The following KSR2 variants were observed in gnomAD, a reference collection of about 807,000 sequenced individuals.
The protein encoded by KSR2 is kinase suppressor of ras 2.
In KSR2, 25 loss-of-function variants were observed where a neutral mutation model predicts 107.8. That is an observed-to-expected ratio of 0.23 (90% CI 0.17 to 0.32). The LOEUF (loss-of-function observed/expected upper bound fraction) is 0.32, where lower values mean the gene tolerates loss of function less well. KSR2 is among the 10% of genes least tolerant of loss of function. KSR2 has a pLI of 1.00. For synonymous variants in KSR2, 480 were observed against 507.0 expected (o/e 0.95, Z 0.71); for missense variants, 887 against 1,268.9 (o/e 0.70, Z 4.57).
At chr12:117,908,149 CAG>C (rs575522026) in intron 1 of KSR2, among the ~76,000 whole-genome samples, 141 of 151,986 alleles carry the variant, frequency 9.3e-4, no homozygotes, top group Non-Finnish European at 1.8e-3. Flanking sequence ...AAAAGCTAAA[CAG>C]AGAACATATT....
chr12:117,930,283 C>T (rs915282150), intron 1 of KSR2, among the ~76,000 whole-genome samples: 2 of 152,156 alleles, frequency 1.3e-5, no homozygotes, highest in Admixed American at 6.5e-5. Flanking sequence ...ATCTGCCTGC[C>T]TCAGCCACCC....
At position 117,761,205 on chromosome 12, in the gene KSR2, G is replaced by A. The variant is rs1040517876; in HGVS notation, c.792C>T (p.Thr264=). 2 of 1,573,300 alleles carry A rather than the reference G, an allele frequency of 1.3e-6. No individual in the cohort carries two copies. The highest frequency in any genetic ancestry group is 1.7e-6 in the Non-Finnish European group (2 of 1,158,840). The change falls in exon 4 of 20, where the codon ACC becomes ACT. Residue 264 remains threonine, a synonymous_variant. Coordinates refer to ENST00000339824, the MANE Select transcript of KSR2 (RefSeq NM_173598.6). The stretch of plus-strand genomic sequence containing the variant: ...GGGTCACGGTGGTGACGATGTTGGG[G>A]GTGCGCGGCGGGGTGCGGACCGCGT... ...QRHAVRTPPR[T]PNIVTTVTPP...
At chr12:117,848,818 G>GGGTGGTGATGGTGGTAGT (rs1243103320) in intron 3 of KSR2, among the ~76,000 whole-genome samples, 12 of 143,248 alleles carry the variant, frequency 8.4e-5, no homozygotes, top group South Asian at 7.2e-4. Flanking sequence ...TGATGGTGGT[G>GGGTGGTGATGGTGGTAGT]GGTGGTGATG....
At chr12:117,748,956 A>G (rs1286821252) in intron 4 of KSR2, among the ~76,000 whole-genome samples, 1 of 151,664 alleles carries the variant, frequency 6.6e-6, no homozygotes, top group Non-Finnish European at 1.5e-5. Flanking sequence ...TCCCTCTGGG[A>G]AGCCTTCAGG....
intron 4 of KSR2, among the ~76,000 whole-genome samples, chr12:117,677,864 G>C (rs1357490800): frequency 6.6e-6 from 1 of 152,194 alleles, no homozygotes; most frequent in Admixed American, 6.5e-5. Flanking sequence ...GAATGTACAA[G>C]TGAATATTAA....
chr12:117,861,201 C>A (rs1173736700), intron 1 of KSR2, among the ~76,000 whole-genome samples: 1 of 152,118 alleles, frequency 6.6e-6, no homozygotes, highest in African/African-American at 2.4e-5. Flanking sequence ...CTACAGCCAA[C>A]AAAGAAACTT....
At chr12:117,873,593 T>C (rs1270976031) in intron 1 of KSR2, among the ~76,000 whole-genome samples, 1 of 151,484 alleles carries the variant, frequency 6.6e-6, no homozygotes, top group African/African-American at 2.4e-5. Flanking sequence ...CCCCGGTAGC[T>C]AGGATTACAG....
intron 4 of KSR2, among the ~76,000 whole-genome samples, chr12:117,693,444 G>C (rs1555228468): frequency 6.6e-6 from 1 of 152,168 alleles, no homozygotes; most frequent in Non-Finnish European, 1.5e-5. Flanking sequence ...AGAAAGGGAA[G>C]TTCATTTTCC....
chr12:117,913,801 G>C (rs1235648864), intron 1 of KSR2, among the ~76,000 whole-genome samples: 3 of 152,080 alleles, frequency 2.0e-5, no homozygotes, highest in Non-Finnish European at 4.4e-5. Context: ...ACCCAGTTTA[G>C]TACAGCAGCC....
At chr12:117,903,805 A>T (rs929302457) in intron 1 of KSR2, among the ~76,000 whole-genome samples, 1 of 152,232 alleles carries the variant, frequency 6.6e-6, no homozygotes, top group Non-Finnish European at 1.5e-5. Flanking sequence ...CAGGAGTTTG[A>T]GGCCAGCCTG....
intron 4 of KSR2, among the ~76,000 whole-genome samples, chr12:117,701,775 G>C (rs1886331207): frequency 6.6e-6 from 1 of 152,136 alleles, no homozygotes; most frequent in Non-Finnish European, 1.5e-5. Context: ...AGATTGGAAG[G>C]ATTCAGCCAC....
At chr12:117,563,289 G>C (rs1014402265) in intron 7 of KSR2, among the ~76,000 whole-genome samples, 2 of 152,122 alleles carry the variant, frequency 1.3e-5, no homozygotes, top group Non-Finnish European at 2.9e-5. Context: ...CATATCAGAG[G>C]AATACATTCT....
At position 117,837,373 on chromosome 12, in the gene KSR2, A is replaced by G. The variant is rs572262964; in HGVS notation, c.472+18055T>C. On this transcript the variant is annotated intron_variant, in intron 3 of 19. Coordinates refer to ENST00000339824, the MANE Select transcript of KSR2 (RefSeq NM_173598.6). ...ATGCATCTTGTGCACCGATTTCAAG[A>G]CAATTTTGACGTCTCCGCTAAAGGA... is the stretch of plus-strand genomic sequence containing the variant. Among the ~76,000 whole-genome samples the G allele has an allele frequency of 2.6e-5, 4 of 152,238 alleles. No individual in the cohort carries two copies. In the East Asian group the frequency reaches 7.7e-4, roughly 29 times the overall value.
At chr12:117,937,182 T>C (rs549210454) in intron 1 of KSR2, among the ~76,000 whole-genome samples, 2 of 152,234 alleles carry the variant, frequency 1.3e-5, no homozygotes, top group African/African-American at 4.8e-5. Context: ...ACTGCTCTTA[T>C]TATAGTTAAT....
At chr12:117,663,001 T>G (rs566616320) in intron 5 of KSR2, among the ~76,000 whole-genome samples, 1 of 152,204 alleles carries the variant, frequency 6.6e-6, no homozygotes, top group African/African-American at 2.4e-5. Context: ...ATCCCTAGAA[T>G]AATAACAACA....
chr12:117,636,342 AAT>A (rs10540371), intron 5 of KSR2, among the ~76,000 whole-genome samples: 109,474 of 149,206 alleles, frequency 0.73, 40,281 homozygotes, highest in East Asian at 0.88. Context: ...ATGTACTCCA[AAT>A]ATATATATAT....
chr12:117,731,632 G>T (rs928908351), intron 4 of KSR2, among the ~76,000 whole-genome samples: 11 of 152,114 alleles, frequency 7.2e-5, no homozygotes, highest in African/African-American at 2.7e-4. Flanking sequence ...AGATCAGACT[G>T]TTACTGTGTC....
At position 117,761,097 on chromosome 12, in the gene KSR2, G is replaced by C; in HGVS notation, c.900C>G (p.His300Gln). ...TPPPSSRKLI[H>Q]LIPGFTALHR... ...GCAGCGCGGTGAATCCCGGGATCAA[G>C]TGTATCAGTTTTCGGGAGGAGGGCG... The change falls in exon 4 of 20, where the codon CAC (histidine) becomes CAG (glutamine). Residue 300 changes from histidine (H) to glutamine (Q), a missense_variant. Physicochemically the swap from His to Gln is conservative, Grantham distance 24. This residue lies in a region of KSR2 where 399 missense variants were observed against 479.5 expected (regional missense o/e 0.83). Coordinates refer to ENST00000339824, the MANE Select transcript of KSR2 (RefSeq NM_173598.6). 6.2e-7 allele frequency: 1 copy of C among 1,613,770 alleles called. No individual in the cohort carries two copies. The highest frequency in any genetic ancestry group is 8.5e-7 in the Non-Finnish European group (1 of 1,179,740).
intron 14 of KSR2, among the ~76,000 whole-genome samples, chr12:117,513,646 A>G (rs1262122050): frequency 6.6e-6 from 1 of 152,202 alleles, no homozygotes; most frequent in East Asian, 1.9e-4. Context: ...TGTCCTTCCC[A>G]GGGAATGGGA....
Sources: gnomAD v4.1 joint callset for allele counts (sites outside exome capture counted in the v4.1 genomes callset) on GRCh38, gnomAD v4.1.1 for gene constraint, gnomAD v4.1.1 regional missense constraint, MANE v1.5 for transcripts, NCBI Gene and HGNC (gene_info 2026-07-23, HGNC 2026-07-21) for gene names.